Variants in PKD1L1 observed in about 807,000 individuals in gnomAD.
The protein encoded by PKD1L1 is polycystin-1-like protein 1.
PKD1L1 carries 236 observed loss-of-function variants against 323.4 expected under a neutral mutation model. The observed-to-expected ratio is 0.73, with a 90% CI of 0.66 to 0.81. The LOEUF (loss-of-function observed/expected upper bound fraction) is 0.81. Among genes scored for constraint, PKD1L1 ranks in the 40% least tolerant of loss-of-function variants. PKD1L1 has a pLI of 0.00. For synonymous variants in PKD1L1, 1,344 were observed against 1,335.0 expected (o/e 1.01, Z -0.15); for missense variants, 3,320 against 3,508.0 (o/e 0.95, Z 1.35).
At chr7:47,795,944 G>A in intron 55 of PKD1L1, 45 bp downstream of exon 55, 1 of 1,572,872 alleles carries the variant, frequency 6.4e-7, no homozygotes, top group Non-Finnish European at 8.6e-7. Flanking sequence ...CCATCATCTT[G>A]AGTGTGTGCT....
At chr7:47,954,980 C>T in the PKD1L1 span, among the ~76,000 whole-genome samples, 3 of 152,224 alleles carry the variant, frequency 2.0e-5, no homozygotes, top group South Asian at 4.1e-4. Context: ...TACATTTTCT[C>T]GTGCTACCCA....
At chr7:47,796,853 A>G (rs1784549697) in intron 54 of PKD1L1, among the ~76,000 whole-genome samples, 1 of 140,030 alleles carries the variant, frequency 7.1e-6, no homozygotes, top group South Asian at 2.3e-4. Flanking sequence ...AAAAAAAATT[A>G]GCTGGGTGTG....
At chr7:47,851,654 G>T (rs1200470104) in intron 31 of PKD1L1, among the ~76,000 whole-genome samples, 1 of 152,084 alleles carries the variant, frequency 6.6e-6, no homozygotes, top group Admixed American at 6.5e-5. Context: ...CTCACAAAGG[G>T]GAAAATGGAG....
At chr7:47,890,836 G>A (rs569405708) in intron 15 of PKD1L1, 73 bp from the exon 16 acceptor site, 18 of 1,382,074 alleles carry the variant, frequency 1.3e-5, no homozygotes, top group African/African-American at 1.3e-4. Flanking sequence ...GTCACTGCAC[G>A]GGTTTTCCCC....
the PKD1L1 span, among the ~76,000 whole-genome samples, chr7:47,959,285 C>T: frequency 2.7e-5 from 4 of 150,704 alleles, no homozygotes; most frequent in East Asian, 8.0e-4. Flanking sequence ...GGCCGCCCAT[C>T]GTCTGGGATG....
the PKD1L1 span, among the ~76,000 whole-genome samples, chr7:47,960,255 A>C: frequency 1.9e-4 from 29 of 149,906 alleles, no homozygotes; most frequent in East Asian, 3.0e-3. Context: ...GGTCCTCTGC[A>C]TAGGAAAACC....
chr7:47,897,201 G>A (rs1465755302), intron 14 of PKD1L1, among the ~76,000 whole-genome samples: 2 of 152,234 alleles, frequency 1.3e-5, no homozygotes, highest in African/African-American at 2.4e-5. Context: ...CAGTTTGGGT[G>A]CCGAGGAGCT....
chr7:47,868,149 C>A (rs1037496409), intron 24 of PKD1L1, among the ~76,000 whole-genome samples: 2 of 152,100 alleles, frequency 1.3e-5, no homozygotes, highest in Non-Finnish European at 2.9e-5. Flanking sequence ...ATGTGGATCA[C>A]CTGAGGTCAA....
At chr7:47,912,742 G>T (rs2128752281) in intron 8 of PKD1L1, among the ~76,000 whole-genome samples, 1 of 146,010 alleles carries the variant, frequency 6.8e-6, no homozygotes, top group Non-Finnish European at 1.5e-5. Flanking sequence ...CTTGAACCCA[G>T]GAGATGGAGG....
At chr7:47,902,269 G>T in intron 13 of PKD1L1, 110 bp downstream of exon 13, 1 of 1,421,994 alleles carries the variant, frequency 7.0e-7, no homozygotes, top group South Asian at 1.4e-5. Context: ...AGGATAAACT[G>T]GACAAAGCCT....
chr7:47,835,058 G>C lies in PKD1L1; in HGVS notation c.6055-19C>G. 6.2e-7 allele frequency: 1 copy of C among 1,613,030 alleles called. No homozygotes were observed. The highest frequency in any genetic ancestry group is 1.1e-5 in the South Asian group (1 of 90,902). On this transcript the variant is annotated intron_variant, in intron 38 of 56. Transcript: ENST00000289672. ...GGGCTTCCTGCAGAAGGAAAGAGGT[G>C]GTTCGCCAAGCGTGTTCCCCAGCAA... is the stretch of plus-strand genomic sequence containing the variant.
In PKD1L1 at chr7:47,811,907, AGGGAG is replaced by A; in HGVS notation, c.7486_7490del (p.Leu2496TyrfsTer91). 6.2e-7 allele frequency: 1 copy of A among 1,610,530 alleles called. No individual in the cohort carries two copies. Among genetic ancestry groups the A allele is most frequent in the South Asian group, 1.1e-5 (1 of 89,946 alleles). ...GGGATGAGGGGACGAGACTCCCCGT[AGGGAG>A]GATCTCCACTCTCAGGGACACGCTG... On this transcript the variant is annotated frameshift_variant, in exon 50 of 57. Transcript: ENST00000289672. LOFTEE classifies it high-confidence loss of function.
chr7:47,843,286 A>G, intron 33 of PKD1L1, 117 bp from the exon 34 acceptor site: 2 of 757,902 alleles, frequency 2.6e-6, no homozygotes, highest in Non-Finnish European at 4.2e-6. Context: ...CTTCACTGAT[A>G]CATTTTTACA....
chr7:47,814,091 C>T lies in PKD1L1; in HGVS notation c.7090-77G>A. ...CTCCTCATCAAGCGTGCTCAAAAGG[C>T]GTGGGGCTCTGGGTAACTCCACCTG... On this transcript the variant is annotated intron_variant, in intron 47 of 56. Coordinates refer to ENST00000289672, the MANE Select transcript of PKD1L1 (RefSeq NM_138295.5). 3 of 1,219,852 alleles carry T rather than the reference C, an allele frequency of 2.5e-6. No individual in the cohort carries two copies. The South Asian group carries it at 3.8e-5, about 15-fold the overall frequency. The allele number at this position is 1,219,852 out of a possible 1,614,324, so 75.6% of individuals were successfully genotyped here.
rs773598402 is a variant in PKD1L1 at position 47,840,586 on chromosome 7, G to A, written c.5446-19C>T. On this transcript the variant is annotated intron_variant, in intron 34 of 56. Transcript: ENST00000289672. This position sits in a 1 kb window ranked among gnomAD's most constrained non-coding sequence, Gnocchi z 4.1. Reference sequence around the variant, plus strand: ...TGTACACCTCAAAACAAAGAACAGGGGTGGGAACTCAGGCTATTTCACAGC... The same window carrying A: ...TGTACACCTCAAAACAAAGAACAGGAGTGGGAACTCAGGCTATTTCACAGC... 3.8e-6 allele frequency: 6 copies of A among 1,583,284 alleles called. No individual in the cohort carries two copies. In the South Asian group the frequency reaches 4.4e-5, roughly 12 times the overall value.
Position 47,888,068 on chromosome 7 carries a change from C to T in PKD1L1, c.2758G>A (p.Asp920Asn). 6.2e-7 allele frequency: 1 copy of T among 1,613,960 alleles called. No homozygotes were observed. Among genetic ancestry groups the T allele is most frequent in the Non-Finnish European group, 8.5e-7 (1 of 1,179,860 alleles). The change falls in exon 17 of 57, where the codon GAC (aspartate) becomes AAC (asparagine). Residue 920 changes from aspartate to asparagine, a missense_variant. By Grantham distance (23) the Asp-to-Asn change is conservative (BLOSUM62 1). Transcript: ENST00000289672. ...DELSLQAMCE[D>N]CSEIPNLSYS... ...GACAGATTCGGTATTTCACTGCAGT[C>T]CTCACACATAGCTTGAAGAGAGAGT...
At chr7:47,877,744 G>A in intron 21 of PKD1L1, 113 bp from the exon 22 acceptor site, 1 of 1,265,400 alleles carries the variant, frequency 7.9e-7, no homozygotes, top group African/African-American at 1.5e-5. Flanking sequence ...AGGGTCCCCA[G>A]ACCAGCAGCA....
chr7:47,800,690 CA>C lies in PKD1L1; in HGVS notation c.8151del (p.Phe2717LeufsTer5). On this transcript the variant is annotated frameshift_variant, in exon 54 of 57. Transcript: ENST00000289672. LOFTEE classifies it high-confidence loss of function. ...KSDQRAMACY[F>X]GILLIVSATL... ...GTGGCAGAGACTATTAAAAGGATCC[CA>C]AAGTAACAAGCCATGGCCCGCTGGT... 1 of 1,614,162 alleles carries C rather than the reference CA, an allele frequency of 6.2e-7. No homozygotes were observed. The highest frequency in any genetic ancestry group is 8.5e-7 in the Non-Finnish European group (1 of 1,180,034).
At chr7:47,855,749 G>A (rs1302853283) in intron 28 of PKD1L1, among the ~76,000 whole-genome samples, 3 of 126,716 alleles carry the variant, frequency 2.4e-5, no homozygotes, top group South Asian at 4.6e-4. Flanking sequence ...AGTGGCGGGC[G>A]CCTGTAGTCC....
Sources: allele counts gnomAD v4.1 joint callset (sites outside exome capture counted in the v4.1 genomes callset), GRCh38; gene constraint gnomAD v4.1.1; non-coding constraint Gnocchi (gnomAD v3.1); transcripts MANE v1.5; gene names NCBI Gene and HGNC (gene_info 2026-07-23, HGNC 2026-07-21).